CACNA2D3: variants seen among roughly 807,000 people sequenced by gnomAD.
CACNA2D3 encodes calcium voltage-gated channel auxiliary subunit alpha2delta 3.
Under a neutral mutation model 160.6 loss-of-function variants are expected in CACNA2D3, and 60 were observed. That is an observed-to-expected ratio of 0.37 (90% CI 0.30 to 0.46). The LOEUF (loss-of-function observed/expected upper bound fraction) is 0.46. Among genes scored for constraint, CACNA2D3 ranks in the 20% least tolerant of loss-of-function variants. The pLI, the probability that CACNA2D3 is intolerant of heterozygous loss-of-function variation, is 1.00. For synonymous variants in CACNA2D3, 558 were observed against 492.9 expected (o/e 1.13, Z -1.75); for missense variants, 1,205 against 1,365.0 (o/e 0.88, Z 1.85).
At chr3:54,693,859 G>A (rs1700610338) in intron 11 of CACNA2D3, among the ~76,000 whole-genome samples, 1 of 152,060 alleles carries the variant, frequency 6.6e-6, no homozygotes, top group African/African-American at 2.4e-5. Flanking sequence ...AAATATTTTT[G>A]TACAGCTGTA....
intron 2 of CACNA2D3, among the ~76,000 whole-genome samples, chr3:54,204,796 G>GAAAAAAAAAAAAAAAAAA (rs57129457): frequency 2.4e-4 from 18 of 74,072 alleles, no homozygotes; most frequent in East Asian, 3.4e-4. Flanking sequence ...ATGCTGTCTT[G>GAAAAAAAAAAAAAAAAAA]AAAAAAAAAA....
chr3:54,863,713 GTT>G lies in CACNA2D3; in HGVS notation c.1627-7818_1627-7817del, dbSNP rs77747315. 3.1e-3 allele frequency among the ~76,000 whole-genome samples: 459 copies of G among 150,412 alleles called. 4 individuals are homozygous for G. The highest frequency in any genetic ancestry group is 0.01 in the African/African-American group (411 of 40,834). On this transcript the variant is annotated intron_variant, in intron 17 of 37. Transcript: ENST00000474759. Reference sequence around the variant, plus strand: ...TTTTCAAAGCAGCCTGTTAATTGTTGTTTTTTTTTAAAAAAAAAATACCAAAG... The same window carrying G: ...TTTTCAAAGCAGCCTGTTAATTGTTGTTTTTTTAAAAAAAAAATACCAAAG...
chr3:54,900,789 G>C (rs1465984609), intron 27 of CACNA2D3, among the ~76,000 whole-genome samples: 1 of 152,248 alleles, frequency 6.6e-6, no homozygotes, highest in Non-Finnish European at 1.5e-5. Context: ...AAATGGAGCA[G>C]ATGGAGGAGA....
intron 3 of CACNA2D3, among the ~76,000 whole-genome samples, chr3:54,372,725 T>C (rs1698947014): frequency 6.6e-6 from 1 of 152,234 alleles, no homozygotes; most frequent in Non-Finnish European, 1.5e-5. Flanking sequence ...GAGAGTCAAG[T>C]GTATGAATAA....
chr3:54,663,495 T>C lies in CACNA2D3; in HGVS notation c.1167+21254T>C, dbSNP rs116781865. 3.7e-3 allele frequency among the ~76,000 whole-genome samples: 561 copies of C among 152,340 alleles called. 6 individuals carry two copies. The highest frequency in any genetic ancestry group is 0.013 in the African/African-American group (522 of 41,584). ...GAGTCAGGAGGTTTGTGTGAAACCC[T>C]TCCTGGTTTTCTTTTTTAAAACACA... On this transcript the variant is annotated intron_variant, in intron 11 of 37. Coordinates refer to ENST00000474759, the MANE Select transcript of CACNA2D3 (RefSeq NM_018398.3).
intron 2 of CACNA2D3, among the ~76,000 whole-genome samples, chr3:54,148,044 G>A (rs1046653081): frequency 4.6e-5 from 7 of 152,192 alleles, no homozygotes; most frequent in African/African-American, 1.7e-4. Context: ...TGATCCGTCC[G>A]CCTTGGCGTC....
At chr3:54,375,008 A>G (rs1188526765) in intron 3 of CACNA2D3, among the ~76,000 whole-genome samples, 1 of 152,136 alleles carries the variant, frequency 6.6e-6, no homozygotes, top group Non-Finnish European at 1.5e-5. Context: ...TGAACATGTC[A>G]TGCCTTCTTT....
intron 2 of CACNA2D3, among the ~76,000 whole-genome samples, chr3:54,246,917 TACA>T (rs1702092435): frequency 6.6e-6 from 1 of 152,130 alleles, no homozygotes; most frequent in African/African-American, 2.4e-5. Context: ...GATGGAGGTG[TACA>T]ACACCACACA....
chr3:54,620,330 G>C (rs1179207851), intron 9 of CACNA2D3, among the ~76,000 whole-genome samples: 1 of 152,098 alleles, frequency 6.6e-6, no homozygotes, highest in Non-Finnish European at 1.5e-5. Flanking sequence ...CAGTGAGCTC[G>C]AGCTACCTGA....
At chr3:54,416,935 C>G (rs999057275) in intron 4 of CACNA2D3, among the ~76,000 whole-genome samples, 2 of 152,132 alleles carry the variant, frequency 1.3e-5, no homozygotes, top group African/African-American at 4.8e-5. Flanking sequence ...ACTCATACAA[C>G]TCAAGTTGCC....
At chr3:54,743,341 A>G (rs1424523441) in intron 11 of CACNA2D3, among the ~76,000 whole-genome samples, 1 of 152,228 alleles carries the variant, frequency 6.6e-6, no homozygotes, top group African/African-American at 2.4e-5. Context: ...CTGGGATGAA[A>G]GAGGGTTAGC....
chr3:55,061,531 A>C (rs555857008), intron 35 of CACNA2D3, among the ~76,000 whole-genome samples: 2 of 152,310 alleles, frequency 1.3e-5, no homozygotes, highest in South Asian at 4.1e-4. Flanking sequence ...AGCAAGCTTA[A>C]ACAATACAGG....
intron 35 of CACNA2D3, among the ~76,000 whole-genome samples, chr3:55,040,816 A>G (rs1025408597): frequency 1.3e-5 from 2 of 152,208 alleles, no homozygotes; most frequent in South Asian, 2.1e-4. Flanking sequence ...CAAAATGTGC[A>G]TGCACATGGT....
chr3:54,202,824 T>C (rs1053614622), intron 2 of CACNA2D3, among the ~76,000 whole-genome samples: 13 of 152,204 alleles, frequency 8.5e-5, no homozygotes, highest in African/African-American at 3.1e-4. Flanking sequence ...ATTGTAGTTA[T>C]CAGTAGTGTC....
intron 8 of CACNA2D3, among the ~76,000 whole-genome samples, chr3:54,577,621 C>A (rs762238869): frequency 6.9e-6 from 1 of 145,806 alleles, no homozygotes; most frequent in Non-Finnish European, 1.5e-5. Context: ...ACACATCACA[C>A]TCACATATAT....
intron 2 of CACNA2D3, among the ~76,000 whole-genome samples, chr3:54,296,726 C>A (rs1283418840): frequency 6.6e-6 from 1 of 152,160 alleles, no homozygotes; most frequent in Non-Finnish European, 1.5e-5. Context: ...GTACACGGGC[C>A]ATTTCCTTAA....
chr3:54,653,011 G>T (rs888499025), intron 11 of CACNA2D3, among the ~76,000 whole-genome samples: 3 of 152,090 alleles, frequency 2.0e-5, no homozygotes, highest in Non-Finnish European at 4.4e-5. Context: ...TTGAACTCCT[G>T]ACCTCAAGTG....
At chr3:54,822,800 TTTCTTTCTTTCTTTCTTTCTTTC>T (rs1703657863) in intron 14 of CACNA2D3, among the ~76,000 whole-genome samples, 1 of 94,072 alleles carries the variant, frequency 1.1e-5, no homozygotes, top group African/African-American at 5.1e-5. Context: ...CCTTTCTTTC[TTTCTTTCTTTCTTTCTTTCTTTC>T]TTTCTTTCTT....
chr3:54,145,819 A>G (rs1442132032), intron 2 of CACNA2D3, among the ~76,000 whole-genome samples: 1 of 152,140 alleles, frequency 6.6e-6, no homozygotes, highest in Non-Finnish European at 1.5e-5. Context: ...TTGCTTCGTC[A>G]TTGCCTCTCT....
Sources: allele counts gnomAD v4.1 joint callset (sites outside exome capture counted in the v4.1 genomes callset), GRCh38; gene constraint gnomAD v4.1.1; transcripts MANE v1.5; gene names NCBI Gene and HGNC (gene_info 2026-07-23, HGNC 2026-07-21).